Variants in DIP2B observed in about 807,000 individuals in gnomAD.
The protein encoded by DIP2B is DIP2 acetate--CoA ligase B (putative), also known as disco-interacting protein 2 homolog B.
DIP2B carries 76 observed loss-of-function variants against 198.0 expected under a neutral mutation model. That is an observed-to-expected ratio of 0.38 (90% CI 0.32 to 0.46). The LOEUF (loss-of-function observed/expected upper bound fraction) is 0.46, where lower values mean the gene tolerates loss of function less well. Among genes scored for constraint, DIP2B ranks in the 20% least tolerant of loss-of-function variants. The pLI, the probability that DIP2B is intolerant of heterozygous loss-of-function variation, is 0.99. For synonymous variants in DIP2B, 701 were observed against 739.1 expected (o/e 0.95, Z 0.84); for missense variants, 1,559 against 1,978.4 (o/e 0.79, Z 4.02).
At position 50,695,143 on chromosome 12, in the gene DIP2B, T is replaced by G. The variant is rs1939288382; in HGVS notation, c.1720-124T>G. Reference sequence around the variant, plus strand: ...CTTATATTTAATATTTAAGATTGTTTTCAAAGAGTGTGTATTTGAGTATTA... The same window carrying G: ...CTTATATTTAATATTTAAGATTGTTGTCAAAGAGTGTGTATTTGAGTATTA... On this transcript the variant is annotated intron_variant, in intron 14 of 37. Coordinates refer to ENST00000301180, the MANE Select transcript of DIP2B (RefSeq NM_173602.3). 5.8e-6 allele frequency: 4 copies of G among 684,944 alleles called. No homozygotes were observed. The East Asian group carries it at 1.2e-4, about 20-fold the overall frequency. 42.4% of individuals were successfully genotyped at this position (684,944 alleles called of 1,614,324 possible).
chr12:50,569,717 C>T (rs1958596803), intron 1 of DIP2B, among the ~76,000 whole-genome samples: 1 of 152,156 alleles, frequency 6.6e-6, no homozygotes. Flanking sequence ...AACTATACTG[C>T]ACCTTTAAAT....
intron 21 of DIP2B, among the ~76,000 whole-genome samples, chr12:50,708,022 C>G (rs1405185356): frequency 6.6e-6 from 1 of 152,126 alleles, no homozygotes; most frequent in African/African-American, 2.4e-5. Context: ...CAGATCTTCG[C>G]GTGGCTCGCG....
At chr12:50,557,609 G>T (rs933562805) in intron 1 of DIP2B, among the ~76,000 whole-genome samples, 1 of 152,220 alleles carries the variant, frequency 6.6e-6, no homozygotes, top group East Asian at 1.9e-4. Flanking sequence ...TGGGCTGCTG[G>T]GTGGGGGGAT....
chr12:50,614,116 CTCATTCT>C (rs1937652427), intron 1 of DIP2B, among the ~76,000 whole-genome samples: 1 of 152,238 alleles, frequency 6.6e-6, no homozygotes, highest in Admixed American at 6.5e-5. Context: ...TCACCTCTTA[CTCATTCT>C]TCAGTGTCCT....
chr12:50,568,766 C>A (rs1295156132), intron 1 of DIP2B, among the ~76,000 whole-genome samples: 2 of 152,104 alleles, frequency 1.3e-5, no homozygotes, highest in Non-Finnish European at 2.9e-5. Context: ...GGAGCTTACT[C>A]CTTGGCTGAC....
chr12:50,731,597 C>T (rs1422128687), intron 31 of DIP2B, 60 bp downstream of exon 31: 9 of 1,546,894 alleles, frequency 5.8e-6, no homozygotes, highest in South Asian at 2.5e-5. Flanking sequence ...TGCGCCAGGA[C>T]GTAACAGGGC....
chr12:50,506,399 A>G (rs1593560013), intron 1 of DIP2B, among the ~76,000 whole-genome samples: 1 of 152,228 alleles, frequency 6.6e-6, no homozygotes, highest in East Asian at 1.9e-4. Context: ...TTAAGGCATT[A>G]TGGTTCCCTC....
intron 12 of DIP2B, among the ~76,000 whole-genome samples, chr12:50,690,742 T>G (rs1939209876): frequency 6.6e-6 from 1 of 152,212 alleles, no homozygotes; most frequent in Non-Finnish European, 1.5e-5. Flanking sequence ...TATTTGATAT[T>G]GTGTTTCTAT....
At chr12:50,652,535 C>CA (rs947328374) in intron 3 of DIP2B, among the ~76,000 whole-genome samples, 5 of 150,666 alleles carry the variant, frequency 3.3e-5, no homozygotes, top group East Asian at 1.9e-4. Context: ...GACTCCATTT[C>CA]AAAAAAAAGA....
chr12:50,560,768 T>TA (rs1197008010), intron 1 of DIP2B, among the ~76,000 whole-genome samples: 3 of 151,910 alleles, frequency 2.0e-5, no homozygotes, highest in Admixed American at 1.3e-4. Context: ...AATAAATAAA[T>TA]AAAAAAGTCT....
intron 2 of DIP2B, among the ~76,000 whole-genome samples, chr12:50,633,046 TG>T (rs1315388987): frequency 6.6e-6 from 1 of 152,162 alleles, no homozygotes; most frequent in Non-Finnish European, 1.5e-5. Context: ...CCTAAAGTTC[TG>T]GGATTACAGG....
intron 1 of DIP2B, 123 bp from the exon 2 acceptor site, chr12:50,625,853 C>G: frequency 3.0e-6 from 3 of 1,009,562 alleles, no homozygotes; most frequent in South Asian, 1.5e-5. Flanking sequence ...CATACATTCC[C>G]CCCCCCAACC....
At chr12:50,651,712 AT>A (rs1261367830) in intron 3 of DIP2B, among the ~76,000 whole-genome samples, 1 of 152,064 alleles carries the variant, frequency 6.6e-6, no homozygotes, top group African/African-American at 2.4e-5. Flanking sequence ...GTACCAAACT[AT>A]TTTGAATACT....
Position 50,560,408 on chromosome 12 carries a change from A to AC in DIP2B, c.100+55168_100+55169insC, listed in dbSNP as rs1461838632. Among the ~76,000 whole-genome samples the AC allele has an allele frequency of 1.9e-3, 288 of 149,974 alleles. 2 individuals carry two copies. Among genetic ancestry groups the AC allele is most frequent in the Middle Eastern group, 3.4e-3 (1 of 292 alleles). ...AAGACTCCATCTCCAAAAAAAAAAA[A>AC]AGCAAAAAACTTAGCTGGGCGTGGT... On this transcript the variant is annotated intron_variant, in intron 1 of 37. Coordinates refer to ENST00000301180, the MANE Select transcript of DIP2B (RefSeq NM_173602.3).
chr12:50,623,759 A>G (rs1171114832), intron 1 of DIP2B, among the ~76,000 whole-genome samples: 3 of 152,102 alleles, frequency 2.0e-5, no homozygotes, highest in Non-Finnish European at 4.4e-5. Flanking sequence ...CCATTATTAT[A>G]TAGATTAGAG....
At chr12:50,654,922 A>C (rs993787399) in intron 3 of DIP2B, 1 of 407,306 alleles carries the variant, frequency 2.5e-6, no homozygotes, top group Admixed American at 2.7e-5. Flanking sequence ...GTACATTGCT[A>C]GTAGTAATGC....
chr12:50,672,132 A>G (rs1164083033), intron 5 of DIP2B, among the ~76,000 whole-genome samples: 2 of 151,964 alleles, frequency 1.3e-5, no homozygotes, highest in East Asian at 3.8e-4. Context: ...TTTTCTTGAC[A>G]ATCAGTGCAT....
chr12:50,583,597 C>CA (rs1353117791), intron 1 of DIP2B, among the ~76,000 whole-genome samples: 3 of 152,154 alleles, frequency 2.0e-5, no homozygotes, highest in African/African-American at 7.2e-5. Flanking sequence ...CCTTTACTTA[C>CA]AGTGGGGTAA....
At chr12:50,632,489 A>G (rs1938078051) in intron 2 of DIP2B, among the ~76,000 whole-genome samples, 2 of 149,278 alleles carry the variant, frequency 1.3e-5, no homozygotes, top group African/African-American at 4.9e-5. Context: ...AAAAAAAAAA[A>G]AAAAAAAGGT....
Sources: allele counts gnomAD v4.1 joint callset (sites outside exome capture counted in the v4.1 genomes callset), GRCh38; gene constraint gnomAD v4.1.1; transcripts MANE v1.5; gene names NCBI Gene and HGNC (gene_info 2026-07-23, HGNC 2026-07-21).